DNAH6: variants seen among roughly 807,000 people sequenced by gnomAD.
The protein encoded by DNAH6 is dynein axonemal heavy chain 6.
In DNAH6, 340 loss-of-function variants were observed where a neutral mutation model predicts 491.4. That is an observed-to-expected ratio of 0.69 (90% CI 0.63 to 0.76). The LOEUF (loss-of-function observed/expected upper bound fraction) is 0.76, where lower values mean the gene tolerates loss of function less well. Among genes scored for constraint, DNAH6 ranks in the 30% least tolerant of loss-of-function variants. The pLI is 0.00. For missense variants in DNAH6, 4,443 were observed against 4,972.2 expected (o/e 0.89, Z 3.20); for synonymous variants, 1,603 against 1,686.1 (o/e 0.95, Z 1.21).
chr2:84,706,905 G>T lies in DNAH6; in HGVS notation c.8737G>T (p.Asp2913Tyr). Reference sequence around the variant, plus strand: ...TGCTTGATTTTATTAGGCTGAACTTGACATTACCATGGCTACCCTGAGAGA... The same window carrying T: ...TGCTTGATTTTATTAGGCTGAACTTTACATTACCATGGCTACCCTGAGAGA... ...QKLRAAQAEL[D>Y]ITMATLREKQ... The change falls in exon 53 of 77, where the codon GAC becomes TAC. Residue 2913 changes from aspartate (D) to tyrosine (Y), a missense_variant. Physicochemically the swap from Asp to Tyr is radical, Grantham distance 160. Coordinates refer to ENST00000389394, the MANE Select transcript of DNAH6 (RefSeq NM_001370.2). The T allele has an allele frequency of 1.3e-6, 2 of 1,540,722 alleles. No individual in the cohort carries two copies. Among genetic ancestry groups the T allele is most frequent in the South Asian group, 2.5e-5 (2 of 80,444 alleles).
chr2:84,568,571 G>T (rs1441217337), intron 11 of DNAH6, among the ~76,000 whole-genome samples: 2 of 152,118 alleles, frequency 1.3e-5, no homozygotes, highest in South Asian at 2.1e-4. Context: ...CAGGGTCTGT[G>T]GGGAGGGAGA....
At chr2:84,754,472 C>T (rs1243333604) in intron 63 of DNAH6, among the ~76,000 whole-genome samples, 3 of 152,234 alleles carry the variant, frequency 2.0e-5, no homozygotes, top group African/African-American at 4.8e-5. Flanking sequence ...TGAGCCACCA[C>T]GCCTGGCCCC....
At chr2:84,585,394 T>C (rs1683434327) in intron 15 of DNAH6, among the ~76,000 whole-genome samples, 1 of 152,148 alleles carries the variant, frequency 6.6e-6, no homozygotes. Context: ...CTAGGAAGAA[T>C]GAGGTATGCA....
chr2:84,557,093 A>G (rs560707834), intron 10 of DNAH6, among the ~76,000 whole-genome samples: 1 of 152,318 alleles, frequency 6.6e-6, no homozygotes, highest in East Asian at 1.9e-4. Flanking sequence ...CTCAAAGAAT[A>G]TAAACTTTGA....
At chr2:84,762,418 C>T (rs769538350) in intron 63 of DNAH6, among the ~76,000 whole-genome samples, 17 of 152,030 alleles carry the variant, frequency 1.1e-4, no homozygotes, top group Non-Finnish European at 2.1e-4. Context: ...CAGAAAGAGA[C>T]AATGGAGGGG....
At position 84,805,779 on chromosome 2, in the gene DNAH6, C is replaced by T. The variant is rs1271217002; in HGVS notation, c.11596C>T (p.Gln3866Ter). 6.4e-7 allele frequency: 1 copy of T among 1,550,682 alleles called. No individual in the cohort carries two copies. The highest frequency in any genetic ancestry group is 2.4e-5 in the East Asian group (1 of 40,906). The change falls in exon 71 of 77, where the codon CAG becomes TAG. Residue 3866 changes from glutamine to a stop codon, truncating the protein, a stop_gained. Coordinates refer to ENST00000389394, the MANE Select transcript of DNAH6 (RefSeq NM_001370.2). LOFTEE classifies it high-confidence loss of function. ...TGTTCAAGAACTTGTTGCTTCTGTCCAGACCAGAGTTCCAGGTAATAAATA... is the reference window on the plus strand; with the variant it reads ...TGTTCAAGAACTTGTTGCTTCTGTCTAGACCAGAGTTCCAGGTAATAAATA... ...EIVQELVASV[Q>*]TRVPEKLEME...
At chr2:84,565,427 G>A (rs1464455775) in intron 11 of DNAH6, among the ~76,000 whole-genome samples, 12 of 151,684 alleles carry the variant, frequency 7.9e-5, no homozygotes, top group Admixed American at 7.9e-4. Context: ...GTCTTGGCAG[G>A]TTGTATATTT....
rs55985918 is a variant in DNAH6 at position 84,752,069 on chromosome 2, C to A, written c.10512+6820C>A. 2.6e-5 allele frequency among the ~76,000 whole-genome samples: 4 copies of A among 152,210 alleles called. No individual in the cohort carries two copies. The South Asian group carries it at 8.3e-4, about 32-fold the overall frequency. On this transcript the variant is annotated intron_variant, in intron 63 of 76. Coordinates refer to ENST00000389394, the MANE Select transcript of DNAH6 (RefSeq NM_001370.2). ...ATGTTGGCAGGACTGGTGTTTCCAT[C>A]CAGGTTTCCTCCACCTCACAAAGAA...
chr2:84,526,533 C>G (rs1676619303), intron 3 of DNAH6, among the ~76,000 whole-genome samples: 1 of 152,094 alleles, frequency 6.6e-6, no homozygotes, highest in Non-Finnish European at 1.5e-5. Flanking sequence ...ATAAAAGGGA[C>G]TTTTACACCT....
At chr2:84,806,491 C>T (rs905034686) in intron 71 of DNAH6, among the ~76,000 whole-genome samples, 19 of 151,928 alleles carry the variant, frequency 1.3e-4, no homozygotes, top group Non-Finnish European at 2.2e-4. Flanking sequence ...TGGTGGCGGT[C>T]GCCTGTAGTC....
intron 33 of DNAH6, among the ~76,000 whole-genome samples, chr2:84,648,715 A>T (rs1191602865): frequency 6.6e-6 from 1 of 152,212 alleles, no homozygotes; most frequent in Non-Finnish European, 1.5e-5. Context: ...CTTCTTATGG[A>T]TTAGCAAAGA....
chr2:84,474,794 G>A, the DNAH6 span, among the ~76,000 whole-genome samples: 1,682 of 152,186 alleles, frequency 0.011, 28 homozygotes, highest in African/African-American at 0.039. Flanking sequence ...GCCAATGCTC[G>A]GGCCATTGGT....
chr2:84,548,591 T>C (rs1275137460), intron 8 of DNAH6, among the ~76,000 whole-genome samples, 174 bp downstream of exon 8: 1 of 152,048 alleles, frequency 6.6e-6, no homozygotes, highest in Non-Finnish European at 1.5e-5. Flanking sequence ...AAAATTAAAA[T>C]GAAAAGTAGA....
At chr2:84,778,795 T>C (rs1414721942) in intron 64 of DNAH6, among the ~76,000 whole-genome samples, 1 of 152,212 alleles carries the variant, frequency 6.6e-6, no homozygotes, top group Non-Finnish European at 1.5e-5. Context: ...AGACACACTG[T>C]AAACTTTTAA....
At position 84,815,972 on chromosome 2, in the gene DNAH6, G is replaced by A. The variant is rs750281528; in HGVS notation, c.12262G>A (p.Val4088Met). The change falls in exon 76 of 77, where the codon GTG (valine) becomes ATG (methionine). Residue 4088 changes from valine to methionine, a missense_variant. This residue lies in a region of DNAH6 where 1,463 missense variants were observed against 1,656.6 expected (regional missense o/e 0.88). Coordinates refer to ENST00000389394, the MANE Select transcript of DNAH6 (RefSeq NM_001370.2). ...EDALPGQMNP[V>M]LPVVHFEPQQ... ...TGCATTGCCCGGACAGATGAATCCA[G>A]TGCTGCCTGTGGTGCATTTTGAACC... 10 of 1,551,774 alleles carry A rather than the reference G, an allele frequency of 6.4e-6. No individual in the cohort carries two copies. Among genetic ancestry groups the A allele is most frequent in the East Asian group, 2.4e-5 (1 of 40,934 alleles).
the DNAH6 span, among the ~76,000 whole-genome samples, chr2:84,502,508 T>A: frequency 6.6e-6 from 1 of 152,176 alleles, no homozygotes; most frequent in Non-Finnish European, 1.5e-5. Flanking sequence ...TTGGATGAAA[T>A]GTTCTGTATT....
At chr2:84,677,700 T>C (rs1333172449) in intron 41 of DNAH6, among the ~76,000 whole-genome samples, 1 of 152,182 alleles carries the variant, frequency 6.6e-6, no homozygotes, top group Non-Finnish European at 1.5e-5. Flanking sequence ...CTACAAGTGC[T>C]CAACAGATTG....
chr2:84,498,456 C>G, the DNAH6 span, among the ~76,000 whole-genome samples: 3 of 151,898 alleles, frequency 2.0e-5, no homozygotes, highest in African/African-American at 7.3e-5. Context: ...TCAAAAAATT[C>G]TAAATCTAAA....
intron 44 of DNAH6, among the ~76,000 whole-genome samples, chr2:84,687,438 T>C (rs1218723996): frequency 1.3e-5 from 2 of 152,202 alleles, no homozygotes; most frequent in Non-Finnish European, 2.9e-5. Flanking sequence ...TTATATTATA[T>C]GTAGACAATA....
Sources: allele counts gnomAD v4.1 joint callset (sites outside exome capture counted in the v4.1 genomes callset), GRCh38; gene constraint gnomAD v4.1.1; regional missense constraint gnomAD v4.1.1; transcripts MANE v1.5; gene names NCBI Gene and HGNC (gene_info 2026-07-23, HGNC 2026-07-21).